The following SRPK2 variants were observed in gnomAD, a reference collection of about 807,000 sequenced individuals.
SRPK2 encodes the protein SFRS protein kinase 2.
Under a neutral mutation model 90.8 loss-of-function variants are expected in SRPK2, and 21 were observed. That is an observed-to-expected ratio of 0.23 (90% CI 0.16 to 0.33). The LOEUF (loss-of-function observed/expected upper bound fraction) is 0.33, where lower values mean the gene tolerates loss of function less well. Ranked by LOEUF, SRPK2 falls within the 10% of genes least tolerant of loss-of-function variation. SRPK2 has a pLI of 1.00. For missense variants in SRPK2, 620 were observed against 869.0 expected, an observed-to-expected ratio of 0.71 and a Z score of 3.60; for synonymous variants, 288 against 311.1, an observed-to-expected ratio of 0.93 and a Z score of 0.78.
chr7:105,340,276 GC>G (rs10710291), intron 2 of SRPK2, among the ~76,000 whole-genome samples: 94,930 of 151,790 alleles, frequency 0.63, 30,393 homozygotes, highest in South Asian at 0.77. Context: ...TCAAGAAAAA[GC>G]CAAGTGGGCA....
intron 15 of SRPK2, among the ~76,000 whole-genome samples, chr7:105,122,880 G>GTT (rs3216265): frequency 6.9e-6 from 1 of 145,788 alleles, no homozygotes; most frequent in Admixed American, 6.9e-5. Context: ...CTAGAGACCA[G>GTT]TTTTTTTTTT....
At chr7:105,254,742 T>C (rs1231623968) in intron 2 of SRPK2, among the ~76,000 whole-genome samples, 1 of 151,936 alleles carries the variant, frequency 6.6e-6, no homozygotes, top group East Asian at 1.9e-4. Context: ...CAGGCTGGAG[T>C]GCAGTGGTGT....
At chr7:105,169,299 A>C in intron 3 of SRPK2, 34 bp from the exon 4 acceptor site, 2 of 1,525,220 alleles carry the variant, frequency 1.3e-6, no homozygotes, top group Non-Finnish European at 1.8e-6. Context: ...AAAAATTCAA[A>C]ATATTCGAAA....
intron 7 of SRPK2, among the ~76,000 whole-genome samples, chr7:105,159,716 T>C (rs1254006350): frequency 2.0e-5 from 3 of 152,176 alleles, no homozygotes; most frequent in Non-Finnish European, 4.4e-5. Context: ...TAGAGCATCA[T>C]CTCTAAGCCT....
intron 2 of SRPK2, among the ~76,000 whole-genome samples, chr7:105,362,603 T>C (rs932833766): frequency 1.9e-4 from 29 of 151,934 alleles, no homozygotes; most frequent in Non-Finnish European, 3.7e-4. Context: ...TTGGTGGGAC[T>C]GTAAACTAGT....
chr7:105,267,188 T>C (rs952280190), intron 2 of SRPK2, among the ~76,000 whole-genome samples: 10 of 152,316 alleles, frequency 6.6e-5, no homozygotes, highest in African/African-American at 2.4e-4. Context: ...TAAAATATCT[T>C]AGAATATCTT....
intron 2 of SRPK2, among the ~76,000 whole-genome samples, chr7:105,356,743 C>G (rs1817824063): frequency 1.3e-5 from 2 of 152,058 alleles, no homozygotes; most frequent in African/African-American, 2.4e-5. Context: ...ATATTAAATA[C>G]CCAAAAGAAG....
intron 2 of SRPK2, among the ~76,000 whole-genome samples, chr7:105,207,804 C>T (rs1563083737): frequency 6.6e-6 from 1 of 152,086 alleles, no homozygotes; most frequent in Non-Finnish European, 1.5e-5. Context: ...CTAAATTGGA[C>T]TTCAAAATTT....
intron 3 of SRPK2, among the ~76,000 whole-genome samples, chr7:105,188,274 T>C (rs926830000): frequency 6.6e-6 from 1 of 152,218 alleles, no homozygotes; most frequent in African/African-American, 2.4e-5. Flanking sequence ...TTTGTTTATA[T>C]GAAAATGTCC....
intron 2 of SRPK2, among the ~76,000 whole-genome samples, chr7:105,341,894 T>C (rs966741076): frequency 6.6e-6 from 1 of 150,962 alleles, no homozygotes; most frequent in African/African-American, 2.4e-5. Flanking sequence ...TGGAACCTGG[T>C]AGACAGAGGT....
Position 105,118,105 on chromosome 7 carries a change from G to GACT in SRPK2, c.1916-84_1916-83insAGT, listed in dbSNP as rs1392230348. The stretch of plus-strand genomic sequence containing the variant: ...TTGGTCCAGTCAGGTTCTTTTCAGT[G>GACT]AAGCGGACAACCACCTGCTCAACAC... On this transcript the variant is annotated intron_variant, in intron 15 of 15. Transcript: ENST00000393651. 3 of 1,457,352 alleles carry GACT rather than the reference G, an allele frequency of 2.1e-6. No homozygotes were observed. The East Asian group carries it at 6.9e-5, about 34-fold the overall frequency. The allele number at this position is 1,457,352 out of a possible 1,614,324, so 90.3% of individuals were successfully genotyped here.
chr7:105,338,226 A>G (rs537458345), intron 2 of SRPK2, among the ~76,000 whole-genome samples: 27 of 152,134 alleles, frequency 1.8e-4, no homozygotes, highest in Non-Finnish European at 3.8e-4. Context: ...TAAATTTAGT[A>G]AAAATTGTTA....
In SRPK2 at chr7:105,170,967, G is replaced by GAAAGAAAGAAAGAAAGAAAGAA. The variant is rs66735717; in HGVS notation, c.230-1703_230-1702insTTCTTTCTTTCTTTCTTTCTTT. ...AGAAAGAAAGAAAGAAAGAAAGAAA[G>GAAAGAAAGAAAGAAAGAAAGAA]AGAAAGAAAGAGAAAGAAAGAAAGA... On this transcript the variant is annotated intron_variant, in intron 3 of 15. Transcript: ENST00000393651. 6.9e-3 allele frequency among the ~76,000 whole-genome samples: 517 copies of GAAAGAAAGAAAGAAAGAAAGAA among 74,462 alleles called. 51 individuals carry two copies. The highest frequency in any genetic ancestry group is 8.3e-3 in the African/African-American group (154 of 18,606). 48.8% of individuals were successfully genotyped at this position (74,462 alleles called of 152,430 possible). A position where few individuals can be genotyped will look rare whatever the true frequency, so the allele number is the denominator to read the frequency against.
At chr7:105,351,554 G>C (rs1462401522) in intron 2 of SRPK2, among the ~76,000 whole-genome samples, 1 of 151,920 alleles carries the variant, frequency 6.6e-6, no homozygotes, top group East Asian at 1.9e-4. Flanking sequence ...TGTAATCCCA[G>C]CACTTTGGGT....
At chr7:105,229,600 A>G (rs796921802) in intron 2 of SRPK2, among the ~76,000 whole-genome samples, 8 of 152,326 alleles carry the variant, frequency 5.3e-5, no homozygotes, top group African/African-American at 1.7e-4. Flanking sequence ...CGCAGTGCCC[A>G]CAACAGATGA....
chr7:105,235,729 T>TA (rs559715917), intron 2 of SRPK2, among the ~76,000 whole-genome samples: 3,685 of 150,108 alleles, frequency 0.025, 110 homozygotes, highest in African/African-American at 0.068. Flanking sequence ...AAAATATCTT[T>TA]AAAAAAAAAA....
intron 2 of SRPK2, among the ~76,000 whole-genome samples, chr7:105,223,898 G>T (rs1347794684): frequency 3.9e-5 from 6 of 152,120 alleles, no homozygotes; most frequent in African/African-American, 1.4e-4. Context: ...TATATGCCTC[G>T]AGTTACACAA....
At chr7:105,203,582 C>T (rs1296805436) in intron 3 of SRPK2, 46 bp downstream of exon 3, 2 of 1,454,898 alleles carry the variant, frequency 1.4e-6, no homozygotes, top group East Asian at 2.6e-5. Flanking sequence ...TACTACACAG[C>T]CCAATGGGGA....
chr7:105,388,632 C>T lies in SRPK2; in HGVS notation c.71+16G>A. On this transcript the variant is annotated intron_variant, in intron 2 of 15. Transcript: ENST00000393651. ...GGCGGGGGTGGGGAACGGGGACAGG[C>T]GCAGCGTGGACTCACTTTTTCGGAT... 1.3e-6 allele frequency: 2 copies of T among 1,577,096 alleles called. No homozygotes were observed. Among genetic ancestry groups the T allele is most frequent in the Non-Finnish European group, 1.7e-6 (2 of 1,161,678 alleles).
Sources: allele counts gnomAD v4.1 joint callset (sites outside exome capture counted in the v4.1 genomes callset), GRCh38; gene constraint gnomAD v4.1.1; transcripts MANE v1.5; gene names NCBI Gene and HGNC (gene_info 2026-07-23, HGNC 2026-07-21).